Variants in PPWD1 observed in about 807,000 individuals in gnomAD.
PPWD1 encodes the protein peptidylprolyl isomerase domain and WD repeat containing 1.
In PPWD1, 43 loss-of-function variants were observed where a neutral mutation model predicts 68.8. That is an observed-to-expected ratio of 0.62 (90% CI 0.49 to 0.81). The LOEUF is 0.81. Ranked by LOEUF, PPWD1 falls within the 30% of genes least tolerant of loss-of-function variation. The pLI, the probability that PPWD1 is intolerant of heterozygous loss-of-function variation, is 0.00. For missense variants in PPWD1, 672 were observed against 804.8 expected, an observed-to-expected ratio of 0.83 and a Z score of 2.00; for synonymous variants, 232 against 258.7, an observed-to-expected ratio of 0.90 and a Z score of 0.99.
At chr5:65,574,169 T>A (rs779756513) in intron 5 of PPWD1, among the ~76,000 whole-genome samples, 1 of 152,122 alleles carries the variant, frequency 6.6e-6, no homozygotes, top group African/African-American at 2.4e-5. Context: ...AATAAATGAG[T>A]TGGTTGTCTG....
rs932796537 is a variant in PPWD1 at position 65,563,955 on chromosome 5, G to C, written c.196+449G>C. 6 of 1,002,916 alleles carry C rather than the reference G, an allele frequency of 6.0e-6. No homozygotes were observed. The African/African-American group carries it at 9.7e-5, about 16-fold the overall frequency. 62.1% of individuals were successfully genotyped at this position (1,002,916 alleles called of 1,614,324 possible). Reference sequence around the variant, plus strand: ...CTTATTTCGAATCATGGTAGGTAAAGATAATTTCAACTCTGACACTTCCAC... The same window carrying C: ...CTTATTTCGAATCATGGTAGGTAAACATAATTTCAACTCTGACACTTCCAC... On this transcript the variant is annotated intron_variant, in intron 1 of 10. Transcript: ENST00000261308.
At chr5:65,572,351 T>C in intron 5 of PPWD1, 65 bp downstream of exon 5, 1 of 1,403,764 alleles carries the variant, frequency 7.1e-7, no homozygotes, top group South Asian at 1.4e-5. Flanking sequence ...ATGCCTTTTC[T>C]TGAAAGATCT....
intron 7 of PPWD1, among the ~76,000 whole-genome samples, chr5:65,582,317 T>G (rs886614174): frequency 6.6e-6 from 1 of 152,192 alleles, no homozygotes; most frequent in Non-Finnish European, 1.5e-5. Context: ...GATCTGAGAT[T>G]TCTACAACTT....
At chr5:65,568,783 A>C (rs1752881551) in intron 2 of PPWD1, 3 of 272,158 alleles carry the variant, frequency 1.1e-5, no homozygotes, top group African/African-American at 6.9e-5. Flanking sequence ...TTCATGTAAA[A>C]TAGGATAATT....
At chr5:65,573,481 T>TATATATATAA (rs1304267719) in intron 5 of PPWD1, among the ~76,000 whole-genome samples, 1,117 of 93,388 alleles carry the variant, frequency 0.012, 80 homozygotes, top group African/African-American at 0.047. Flanking sequence ...ATATATTTTT[T>TATATATATAA]TTTTATTAGA....
chr5:65,581,992 T>C (rs1390083255), intron 7 of PPWD1, among the ~76,000 whole-genome samples: 1 of 152,180 alleles, frequency 6.6e-6, no homozygotes, highest in East Asian at 1.9e-4. Context: ...AATCCATATA[T>C]CAGCTAAGTC....
At chr5:65,585,882 C>T (rs2150611246) in intron 9 of PPWD1, 117 bp from the exon 10 acceptor site, 3 of 1,447,732 alleles carry the variant, frequency 2.1e-6, no homozygotes, top group Admixed American at 4.9e-5. Context: ...AATCAAATCA[C>T]TTTATAGTGA....
At chr5:65,575,791 C>A (rs1235025945) in intron 5 of PPWD1, among the ~76,000 whole-genome samples, 2 of 152,198 alleles carry the variant, frequency 1.3e-5, no homozygotes. Flanking sequence ...ATAGTCATGT[C>A]TACTAAATAA....
chr5:65,583,209 T>C lies in PPWD1; in HGVS notation c.1522T>C (p.Phe508Leu), dbSNP rs889447619. The C allele has an allele frequency of 3.2e-6, 5 of 1,586,918 alleles. No individual in the cohort carries two copies. In the African/African-American group the frequency reaches 6.8e-5, roughly 22 times the overall value. The change falls in exon 8 of 11, where the codon TTT (phenylalanine) becomes CTT (leucine). Residue 508 changes from phenylalanine to leucine, a missense_variant. By Grantham distance (22) the Phe-to-Leu change is conservative. Coordinates refer to ENST00000261308, the MANE Select transcript of PPWD1 (RefSeq NM_015342.4). ...CATGGGAGACATTCACACCAAACTTTTTCCTGTTGAGTATGTATAACAACT... is the reference window on the plus strand; with the variant it reads ...CATGGGAGACATTCACACCAAACTTCTTCCTGTTGAGTATGTATAACAACT... The part of the protein sequence containing the change: ...TSMGDIHTKL[F>L]PVECPKTVEN...
intron 1 of PPWD1, among the ~76,000 whole-genome samples, chr5:65,566,474 A>G (rs1357198422): frequency 6.6e-6 from 1 of 151,642 alleles, no homozygotes. Context: ...TCATTAGCAT[A>G]TGGTTAAACC....
chr5:65,587,424 A>C lies in PPWD1; in HGVS notation c.*28A>C, dbSNP rs56156711. 9.5e-4 allele frequency: 1,466 copies of C among 1,542,226 alleles called. 13 individuals carry two copies. The African/African-American group carries it at 0.018, about 19-fold the overall frequency. On this transcript the variant is annotated 3_prime_UTR_variant, in exon 11 of 11. Transcript: ENST00000261308. ...TAAGATTTGTTTTAATGTACTTGCA[A>C]ATAAAAATACAATATTAAACAGATT...
chr5:65,565,891 A>C (rs903781716), intron 1 of PPWD1, among the ~76,000 whole-genome samples: 1 of 152,170 alleles, frequency 6.6e-6, no homozygotes. Context: ...AATGTTACAA[A>C]AATATTTAAA....
chr5:65,575,469 G>C (rs1395091801), intron 5 of PPWD1, among the ~76,000 whole-genome samples: 1 of 152,072 alleles, frequency 6.6e-6, no homozygotes, highest in Non-Finnish European at 1.5e-5. Context: ...ACCTCATTTT[G>C]ATTTTTTGAG....
At chr5:65,578,202 A>T (rs1025580518) in intron 6 of PPWD1, among the ~76,000 whole-genome samples, 2 of 152,116 alleles carry the variant, frequency 1.3e-5, no homozygotes, top group African/African-American at 4.8e-5. Flanking sequence ...ACTGAATAAT[A>T]CTCCATTGTC....
chr5:65,572,473 T>A (rs1472416328), intron 5 of PPWD1, among the ~76,000 whole-genome samples, 187 bp downstream of exon 5: 1 of 152,206 alleles, frequency 6.6e-6, no homozygotes, highest in African/African-American at 2.4e-5. Context: ...CTCTAGGGGT[T>A]TATGATGTGC....
At chr5:65,566,558 G>A (rs556545623) in intron 1 of PPWD1, among the ~76,000 whole-genome samples, 1 of 152,136 alleles carries the variant, frequency 6.6e-6, no homozygotes, top group Non-Finnish European at 1.5e-5. Context: ...TGGGGGTTCT[G>A]TTCCTAAAAA....
chr5:65,566,156 A>G (rs910655575), intron 1 of PPWD1, among the ~76,000 whole-genome samples: 3 of 152,240 alleles, frequency 2.0e-5, no homozygotes, highest in Non-Finnish European at 2.9e-5. Flanking sequence ...TGGATCAGAT[A>G]GGATTAAGTT....
chr5:65,585,860 T>C, intron 9 of PPWD1, 139 bp from the exon 10 acceptor site: 1 of 1,272,378 alleles, frequency 7.9e-7, no homozygotes, highest in South Asian at 1.8e-5. Context: ...CAAATTTAAG[T>C]GTTAAGGGTT....
At chr5:65,576,152 A>C (rs866144756) in intron 5 of PPWD1, among the ~76,000 whole-genome samples, 11 of 151,082 alleles carry the variant, frequency 7.3e-5, no homozygotes, top group African/African-American at 2.4e-4. Context: ...TTTTGAGTTT[A>C]ATCAAACATT....
Sources: gnomAD v4.1 joint callset for allele counts (sites outside exome capture counted in the v4.1 genomes callset) on GRCh38, gnomAD v4.1.1 for gene constraint, MANE v1.5 for transcripts, NCBI Gene and HGNC (gene_info 2026-07-23, HGNC 2026-07-21) for gene names.